The following BMAL2 variants were observed in gnomAD, a reference collection of about 807,000 sequenced individuals.
BMAL2 encodes the protein basic helix-loop-helix ARNT-like protein 2.
chr12:27,360,068 A>T, the BMAL2 span, among the ~76,000 whole-genome samples: 77 of 151,414 alleles, frequency 5.1e-4, no homozygotes, highest in Non-Finnish European at 8.7e-4. Context: ...AAAAAAAAAA[A>T]AAAAGTACTA....
At chr12:27,415,769 C>T in the BMAL2 span, 1 of 795,104 alleles carries the variant, frequency 1.3e-6, no homozygotes, top group East Asian at 2.9e-5. Flanking sequence ...TTTCAAGTTC[C>T]TCACTGTATT....
the BMAL2 span, among the ~76,000 whole-genome samples, chr12:27,386,329 C>G: frequency 6.6e-6 from 1 of 152,178 alleles, no homozygotes; most frequent in Non-Finnish European, 1.5e-5. Flanking sequence ...CTTCATGGAA[C>G]CCTGCTTCTG....
chr12:27,385,012 A>G, the BMAL2 span, among the ~76,000 whole-genome samples: 4 of 152,200 alleles, frequency 2.6e-5, no homozygotes, highest in African/African-American at 9.6e-5. Context: ...ATCAAGTGAT[A>G]ATGAAGAAAG....
chr12:27,352,015 T>C, the BMAL2 span, among the ~76,000 whole-genome samples: 1 of 152,214 alleles, frequency 6.6e-6, no homozygotes, highest in African/African-American at 2.4e-5. Flanking sequence ...CTCCATCATA[T>C]CACTGCACCC....
At chr12:27,382,877 C>G in the BMAL2 span, among the ~76,000 whole-genome samples, 19 of 152,208 alleles carry the variant, frequency 1.2e-4, no homozygotes. Context: ...ACCACTAGTT[C>G]ATTGTAAAAT....
chr12:27,389,962 A>G, the BMAL2 span: 2 of 1,031,106 alleles, frequency 1.9e-6, no homozygotes, highest in South Asian at 1.7e-5. Context: ...GGTTTACTGT[A>G]CAATCATGCC....
the BMAL2 span, chr12:27,403,329 TGGATGCAGC>T: frequency 1.4e-6 from 1 of 740,726 alleles, no homozygotes; most frequent in African/African-American, 1.8e-5. Flanking sequence ...CCAACTTTTT[TGGATGCAGC>T]TAGTCTGTTT....
chr12:27,358,781 C>T, the BMAL2 span, among the ~76,000 whole-genome samples: 27,761 of 151,940 alleles, frequency 0.18, 3,148 homozygotes, highest in African/African-American at 0.3. Context: ...ATAAACTTCT[C>T]GAGGGTAGGT....
the BMAL2 span, among the ~76,000 whole-genome samples, chr12:27,384,751 A>G: frequency 6.6e-6 from 1 of 152,206 alleles, no homozygotes; most frequent in South Asian, 2.1e-4. Context: ...AATATACTGT[A>G]AAAATGTTAT....
chr12:27,405,942 C>T, the BMAL2 span, among the ~76,000 whole-genome samples: 11 of 152,060 alleles, frequency 7.2e-5, no homozygotes, highest in African/African-American at 1.4e-4. Context: ...AACTACATGA[C>T]GAATGCAAAG....
the BMAL2 span, among the ~76,000 whole-genome samples, chr12:27,341,425 T>G: frequency 6.6e-6 from 1 of 152,248 alleles, no homozygotes; most frequent in Non-Finnish European, 1.5e-5. Context: ...ATTTATTGAT[T>G]TGCATATGTT....
At chr12:27,421,390 A>C in the BMAL2 span, 1 of 152,286 alleles carries the variant, frequency 6.6e-6, no homozygotes, top group Non-Finnish European at 1.5e-5. Context: ...TACTAAAAAT[A>C]CAAAAAAAAT....
the BMAL2 span, chr12:27,424,860 C>T: frequency 6.6e-6 from 1 of 152,170 alleles, no homozygotes; most frequent in Non-Finnish European, 1.5e-5. Flanking sequence ...TTTTTCCAAG[C>T]TCCATGGGGC....
chr12:27,379,686 T>C, the BMAL2 span, among the ~76,000 whole-genome samples: 1 of 152,010 alleles, frequency 6.6e-6, no homozygotes, highest in Non-Finnish European at 1.5e-5. Flanking sequence ...GGAAGGTTAA[T>C]GTTACAGATG....
the BMAL2 span, among the ~76,000 whole-genome samples, chr12:27,340,240 C>T: frequency 6.6e-6 from 1 of 152,262 alleles, no homozygotes; most frequent in South Asian, 2.1e-4. Flanking sequence ...TTGGATTTTA[C>T]ATTTAAGTCT....
the BMAL2 span, among the ~76,000 whole-genome samples, chr12:27,384,379 C>T: frequency 6.6e-6 from 1 of 152,224 alleles, no homozygotes; most frequent in East Asian, 1.9e-4. Context: ...ATATTTTATA[C>T]ATTTTTAAAA....
the BMAL2 span, among the ~76,000 whole-genome samples, chr12:27,343,437 G>A: frequency 6.6e-6 from 1 of 152,192 alleles, no homozygotes; most frequent in African/African-American, 2.4e-5. Flanking sequence ...TCTTTTATAG[G>A]CTTTGTGTAG....
chr12:27,401,182 C>T, the BMAL2 span: 1 of 1,145,780 alleles, frequency 8.7e-7, no homozygotes, highest in Non-Finnish European at 1.3e-6. Flanking sequence ...CGATCCTGAC[C>T]ATATGTGGGC....
the BMAL2 span, among the ~76,000 whole-genome samples, chr12:27,343,919 TCCTC>T: frequency 6.6e-6 from 1 of 152,220 alleles, no homozygotes; most frequent in Non-Finnish European, 1.5e-5. Flanking sequence ...TGAGTGTTTC[TCCTC>T]CCTCTTTGCC....
Sources: gnomAD v4.1 joint callset for allele counts (sites outside exome capture counted in the v4.1 genomes callset) on GRCh38, gnomAD v4.1.1 for gene constraint, MANE v1.5 for transcripts, NCBI Gene and HGNC (gene_info 2026-07-23, HGNC 2026-07-21) for gene names.